LRBA: variants seen among roughly 807,000 people sequenced by gnomAD.
The protein encoded by LRBA is lipopolysaccharide-responsive and beige-like anchor protein.
A neutral mutation model predicts 330.0 loss-of-function variants in LRBA; 176 were observed. That is an observed-to-expected ratio of 0.53 (90% CI 0.47 to 0.60). LRBA has a LOEUF of 0.60. Among genes scored for constraint, LRBA ranks in the 20% least tolerant of loss-of-function variants. The pLI, the probability that LRBA is intolerant of heterozygous loss-of-function variation, is 0.00. For missense variants in LRBA, 3,259 were observed against 3,444.8 expected (o/e 0.95, Z 1.35); for synonymous variants, 1,230 against 1,193.0 (o/e 1.03, Z -0.64).
At chr4:150,542,259 T>C (rs1386114134) in intron 40 of LRBA, among the ~76,000 whole-genome samples, 5 of 152,186 alleles carry the variant, frequency 3.3e-5, no homozygotes, top group African/African-American at 1.2e-4. Context: ...ATTCTGGAAT[T>C]GGACTACCTG....
intron 16 of LRBA, among the ~76,000 whole-genome samples, chr4:150,895,090 T>G (rs1219600019): frequency 1.3e-5 from 2 of 152,248 alleles, no homozygotes; most frequent in East Asian, 3.9e-4. Flanking sequence ...AAGGTATTAA[T>G]TATAATATAG....
At chr4:150,544,466 T>G (rs1222795191) in intron 40 of LRBA, among the ~76,000 whole-genome samples, 1 of 152,186 alleles carries the variant, frequency 6.6e-6, no homozygotes, top group Non-Finnish European at 1.5e-5. Flanking sequence ...TGGAATACAA[T>G]AACCGCTCAT....
chr4:150,718,453 T>A (rs1728522927), intron 36 of LRBA, among the ~76,000 whole-genome samples: 1 of 150,246 alleles, frequency 6.7e-6, no homozygotes, highest in South Asian at 2.1e-4. Context: ...CTCTAAGATA[T>A]AAGCTGTCTC....
intron 51 of LRBA, 125 bp downstream of exon 51, chr4:150,315,436 A>G (rs1391333285): frequency 1.7e-5 from 14 of 801,162 alleles, no homozygotes; most frequent in Non-Finnish European, 2.6e-5. Flanking sequence ...TCCAATTTGC[A>G]TGCAAATGGT....
At chr4:150,445,375 C>CTA (rs1252418045) in intron 44 of LRBA, among the ~76,000 whole-genome samples, 19 of 82,974 alleles carry the variant, frequency 2.3e-4, no homozygotes, top group African/African-American at 5.9e-4. Context: ...CTCTCTCTCT[C>CTA]TCTATATATA....
At chr4:150,910,183 G>A (rs561065027) in intron 9 of LRBA, among the ~76,000 whole-genome samples, 24 of 152,152 alleles carry the variant, frequency 1.6e-4, no homozygotes, top group African/African-American at 5.3e-4. Flanking sequence ...GTCTGTTTTG[G>A]CTTTGGTTGC....
At chr4:150,900,312 T>A (rs1730584598) in intron 13 of LRBA, 95 bp from the exon 14 acceptor site, 1 of 820,702 alleles carries the variant, frequency 1.2e-6, no homozygotes, top group African/African-American at 1.7e-5. Context: ...CCACGCTTCT[T>A]CCAAAAAGTA....
chr4:150,601,505 G>A (rs974440042), intron 37 of LRBA, among the ~76,000 whole-genome samples: 3 of 151,806 alleles, frequency 2.0e-5, no homozygotes, highest in South Asian at 4.2e-4. Flanking sequence ...GAAATAAAAC[G>A]ATAATATTTA....
intron 43 of LRBA, among the ~76,000 whole-genome samples, chr4:150,468,680 TA>T (rs1755741507): frequency 6.6e-6 from 1 of 152,066 alleles, no homozygotes; most frequent in African/African-American, 2.4e-5. Flanking sequence ...ACAAGTATAT[TA>T]ATATTGTTTG....
At chr4:150,309,099 T>C (rs890700854) in intron 52 of LRBA, among the ~76,000 whole-genome samples, 1 of 152,176 alleles carries the variant, frequency 6.6e-6, no homozygotes, top group Non-Finnish European at 1.5e-5. Flanking sequence ...TGCCAGTTTT[T>C]ATCTTTTATT....
intron 33 of LRBA, among the ~76,000 whole-genome samples, chr4:150,802,093 G>A (rs935083030): frequency 3.3e-5 from 5 of 150,666 alleles, no homozygotes; most frequent in African/African-American, 7.3e-5. Context: ...GGTGACATGC[G>A]CCTGTAGTCC....
At chr4:150,697,799 A>T (rs1041082391) in intron 36 of LRBA, among the ~76,000 whole-genome samples, 6 of 151,868 alleles carry the variant, frequency 4.0e-5, no homozygotes, top group Non-Finnish European at 8.8e-5. Flanking sequence ...TTCTCAAACT[A>T]CCTGTAGGGA....
At chr4:150,979,433 CAAGAA>C (rs1162907848) in intron 2 of LRBA, among the ~76,000 whole-genome samples, 2 of 151,974 alleles carry the variant, frequency 1.3e-5, no homozygotes, top group Admixed American at 6.6e-5. Flanking sequence ...TAGTAAGCAA[CAAGAA>C]AAGAAATCAT....
At chr4:150,650,418 T>A (rs1438187087) in intron 37 of LRBA, among the ~76,000 whole-genome samples, 1 of 152,152 alleles carries the variant, frequency 6.6e-6, no homozygotes, top group African/African-American at 2.4e-5. Flanking sequence ...AAGCAGACAT[T>A]AAAACTTGTT....
intron 37 of LRBA, among the ~76,000 whole-genome samples, chr4:150,647,352 C>CTTT (rs769403201): frequency 0.048 from 3,846 of 79,794 alleles, 431 homozygotes; most frequent in East Asian, 0.054. Context: ...ATTACTTTTT[C>CTTT]TTTTTTTTTT....
At chr4:151,006,497 T>A (rs946775554) in intron 2 of LRBA, among the ~76,000 whole-genome samples, 15 of 152,064 alleles carry the variant, frequency 9.9e-5, no homozygotes, top group Non-Finnish European at 1.9e-4. Flanking sequence ...TTATTGTACA[T>A]CTATATAAGT....
intron 37 of LRBA, among the ~76,000 whole-genome samples, chr4:150,627,200 G>A (rs1387101265): frequency 6.6e-6 from 1 of 151,926 alleles, no homozygotes; most frequent in Admixed American, 6.6e-5. Context: ...CAAAATGAGA[G>A]CCTGACTGTG....
chr4:150,496,371 A>G (rs1383335008), intron 40 of LRBA, among the ~76,000 whole-genome samples: 1 of 152,098 alleles, frequency 6.6e-6, no homozygotes, highest in Non-Finnish European at 1.5e-5. Flanking sequence ...AAAAATAGAA[A>G]CCAACACTCA....
intron 35 of LRBA, among the ~76,000 whole-genome samples, chr4:150,757,494 A>T (rs1734471885): frequency 6.6e-6 from 1 of 152,178 alleles, no homozygotes; most frequent in South Asian, 2.1e-4. Flanking sequence ...TATAGCAGCT[A>T]CTCTATAAAT....
Sources: allele counts gnomAD v4.1 joint callset (sites outside exome capture counted in the v4.1 genomes callset), GRCh38; gene constraint gnomAD v4.1.1; transcripts MANE v1.5; gene names NCBI Gene and HGNC (gene_info 2026-07-23, HGNC 2026-07-21).